FILIP1: variants seen among roughly 807,000 people sequenced by gnomAD.
FILIP1 encodes the protein filamin-A-interacting protein 1.
A neutral mutation model predicts 102.1 loss-of-function variants in FILIP1; 61 were observed. The observed-to-expected ratio is 0.60, with a 90% CI of 0.49 to 0.74. The LOEUF is 0.74. Ranked by LOEUF, FILIP1 falls within the 30% of genes least tolerant of loss-of-function variation. The pLI is 0.00. For missense variants in FILIP1, 1,314 were observed against 1,441.2 expected (o/e 0.91, Z 1.43); for synonymous variants, 491 against 526.9 (o/e 0.93, Z 0.93).
At chr6:75,409,084 C>G (rs765810097) in intron 2 of FILIP1, among the ~76,000 whole-genome samples, 1 of 152,176 alleles carries the variant, frequency 6.6e-6, no homozygotes, top group Non-Finnish European at 1.5e-5. Flanking sequence ...TAGCTTCAGC[C>G]TGTGAGTTTA....
chr6:75,343,096 G>A (rs746142230), intron 4 of FILIP1, among the ~76,000 whole-genome samples: 3 of 152,104 alleles, frequency 2.0e-5, no homozygotes, highest in African/African-American at 4.8e-5. Flanking sequence ...AATCTGATAG[G>A]ATTGGTAGCC....
intron 2 of FILIP1, among the ~76,000 whole-genome samples, chr6:75,375,605 T>C (rs1338615589): frequency 1.3e-5 from 2 of 152,216 alleles, no homozygotes; most frequent in Non-Finnish European, 2.9e-5. Flanking sequence ...AGGGAAAAGA[T>C]AGCTTTATAA....
At chr6:75,436,216 T>C (rs952589677) in intron 1 of FILIP1, among the ~76,000 whole-genome samples, 4 of 151,804 alleles carry the variant, frequency 2.6e-5, no homozygotes, top group South Asian at 2.1e-4. Flanking sequence ...CTACTAAAAA[T>C]ACAAAAGTTA....
At chr6:75,478,869 G>C (rs1478952500) in intron 1 of FILIP1, among the ~76,000 whole-genome samples, 1 of 152,126 alleles carries the variant, frequency 6.6e-6, no homozygotes, top group Non-Finnish European at 1.5e-5. Context: ...ATGAGCCTGA[G>C]CAATTTTATT....
chr6:75,440,941 G>A (rs1310352016), intron 1 of FILIP1, among the ~76,000 whole-genome samples: 15 of 135,348 alleles, frequency 1.1e-4, no homozygotes, highest in African/African-American at 3.7e-4. Context: ...AAGGAGCGAC[G>A]TCTCAAAAAA....
chr6:75,342,774 G>A (rs1437264495), intron 4 of FILIP1, among the ~76,000 whole-genome samples: 1 of 152,128 alleles, frequency 6.6e-6, no homozygotes, highest in Non-Finnish European at 1.5e-5. Flanking sequence ...TCATGCTCTT[G>A]ACCAGCCCTG....
intron 1 of FILIP1, among the ~76,000 whole-genome samples, chr6:75,471,224 A>G (rs955003234): frequency 6.6e-6 from 1 of 151,838 alleles, no homozygotes; most frequent in Admixed American, 6.6e-5. Context: ...ACAGGAGTAT[A>G]AAAGTGAAAA....
At chr6:75,375,693 C>T (rs1775728416) in intron 2 of FILIP1, among the ~76,000 whole-genome samples, 1 of 152,174 alleles carries the variant, frequency 6.6e-6, no homozygotes, top group South Asian at 2.1e-4. Context: ...GAGAAACTAT[C>T]TTGATCAAAC....
At chr6:75,303,476 A>G (rs1275107831), downstream of FILIP1, among the ~76,000 whole-genome samples, 2 of 152,184 alleles carry the variant, frequency 1.3e-5, no homozygotes. Context: ...AGCAGATTAG[A>G]TATCTTGGTC....
chr6:75,307,127 C>T (rs1056295801), downstream of FILIP1, among the ~76,000 whole-genome samples: 4 of 151,964 alleles, frequency 2.6e-5, no homozygotes, highest in African/African-American at 7.3e-5. Flanking sequence ...AATATAATGC[C>T]GAGAACTGAT....
At chr6:75,490,374 A>T (rs756737007) in intron 1 of FILIP1, among the ~76,000 whole-genome samples, 25 of 152,188 alleles carry the variant, frequency 1.6e-4, no homozygotes, top group Non-Finnish European at 3.1e-4. Flanking sequence ...GCTTTATCTC[A>T]CTCAATAAGG....
chr6:75,313,129 G>A lies in FILIP1; in HGVS notation c.2703C>T (p.Val901=). ...GGGGCTGGCCCTGCTTTGGTGAAAG[G>A]ACTACCTCTCCTGGGTGCCCTGGAC... is the stretch of plus-strand genomic sequence containing the variant. ...NSSPGHPGEV[V]LSPKQGQPLH... is the part of the protein sequence containing the mutation. Residue 901 remains valine (V), a synonymous_variant, in exon 5 of 6, where the codon GTC becomes GTT. Coordinates refer to ENST00000237172, the MANE Select transcript of FILIP1 (RefSeq NM_015687.5). This position sits in a 1 kb window ranked among gnomAD's most constrained non-coding sequence, Gnocchi z 4.2. 12 of 1,614,190 alleles carry A rather than the reference G, an allele frequency of 7.4e-6. No individual in the cohort carries two copies. Among genetic ancestry groups the A allele is most frequent in the Non-Finnish European group, 1.0e-5 (12 of 1,180,040 alleles).
At chr6:75,324,337 T>C (rs1773760933) in intron 4 of FILIP1, among the ~76,000 whole-genome samples, 1 of 78,156 alleles carries the variant, frequency 1.3e-5, no homozygotes, top group African/African-American at 4.9e-5. Flanking sequence ...CTTAGAAATA[T>C]ACCTAACCAA....
At position 75,423,582 on chromosome 6, in the gene FILIP1, G is replaced by A. The variant is rs567239791; in HGVS notation, c.-6-8604C>T. Among the ~76,000 whole-genome samples the A allele has an allele frequency of 1.1e-4, 17 of 152,214 alleles. 1 individual carries two copies. The highest frequency in any genetic ancestry group is 7.2e-4 in the Admixed American group (11 of 15,278). On this transcript the variant is annotated intron_variant, in intron 1 of 5. Transcript: ENST00000237172. ...ATCTGAGACATATGCTTAGCAAATC[G>A]ATAAGATGCACTGAAAACTGTAATG...
At chr6:75,317,017 T>A (rs547706965) in intron 4 of FILIP1, among the ~76,000 whole-genome samples, 1 of 152,230 alleles carries the variant, frequency 6.6e-6, no homozygotes, top group Non-Finnish European at 1.5e-5. Flanking sequence ...AAGCTTAACA[T>A]GTTAAAGCTT....
chr6:75,469,059 G>A (rs139729584), intron 1 of FILIP1, among the ~76,000 whole-genome samples: 1 of 151,950 alleles, frequency 6.6e-6, no homozygotes, highest in African/African-American at 2.4e-5. Flanking sequence ...TAATAATAAG[G>A]AAGTTCTGAA....
Position 75,410,878 on chromosome 6 carries a change from CAT to C in FILIP1, c.276+3817_276+3818del, listed in dbSNP as rs549686561. Among the ~76,000 whole-genome samples, 1,092 of 152,294 alleles carry C rather than the reference CAT, an allele frequency of 7.2e-3. 11 individuals carry two copies. The highest frequency in any genetic ancestry group is 0.025 in the African/African-American group (1,052 of 41,552). On this transcript the variant is annotated intron_variant, in intron 2 of 5. Coordinates refer to ENST00000237172, the MANE Select transcript of FILIP1 (RefSeq NM_015687.5). ...CTATTGTGAATAGTGCTGCAATAAA[CAT>C]ATGTGTGCATGTGTCTTTACAGTAG... is the stretch of plus-strand genomic sequence containing the variant.
intron 4 of FILIP1, chr6:75,319,485 A>AT: frequency 1.7e-6 from 1 of 596,890 alleles, no homozygotes; most frequent in Non-Finnish European, 3.3e-6. Flanking sequence ...ATATCTTCAA[A>AT]TTTTCCTTTC....
At chr6:75,330,332 C>G (rs997682768) in intron 4 of FILIP1, among the ~76,000 whole-genome samples, 3 of 152,046 alleles carry the variant, frequency 2.0e-5, no homozygotes, top group Admixed American at 6.6e-5. Context: ...AGGACAAAAA[C>G]TTTTGAGCTT....
Sources: gnomAD v4.1 joint callset for allele counts (sites outside exome capture counted in the v4.1 genomes callset) on GRCh38, gnomAD v4.1.1 for gene constraint, Gnocchi (gnomAD v3.1) non-coding constraint, MANE v1.5 for transcripts, NCBI Gene and HGNC (gene_info 2026-07-23, HGNC 2026-07-21) for gene names.